Variants in TAFA1 observed in about 807,000 individuals in gnomAD.
TAFA1 encodes chemokine-like protein TAFA-1.
A neutral mutation model predicts 18.5 loss-of-function variants in TAFA1; 4 were observed. The observed-to-expected ratio is 0.22, with a 90% confidence interval of 0.11 to 0.49. The LOEUF is 0.49. TAFA1 is among the 20% of genes least tolerant of loss of function. The pLI is 0.98. For synonymous variants in TAFA1, 56 were observed against 55.2 expected (o/e 1.01, Z -0.06); for missense variants, 147 against 169.0 (o/e 0.87, Z 0.72).
chr3:68,133,755 C>T (rs2065571842), intron 2 of TAFA1, among the ~76,000 whole-genome samples: 1 of 152,066 alleles, frequency 6.6e-6, no homozygotes, highest in Admixed American at 6.6e-5. Context: ...AAGCTGCCCT[C>T]ACTAACAAAA....
At chr3:68,167,804 T>C (rs554843701) in intron 2 of TAFA1, among the ~76,000 whole-genome samples, 139 of 152,160 alleles carry the variant, frequency 9.1e-4, no homozygotes, top group Middle Eastern at 3.4e-3. Context: ...ACTTCCAAGA[T>C]AGGGTGGAGG....
Position 68,444,792 on chromosome 3 carries a change from AT to A in TAFA1, c.259+27373del, listed in dbSNP as rs1380066884. Among the ~76,000 whole-genome samples the A allele has an allele frequency of 4.2e-4, 59 of 141,274 alleles. 1 individual carries two copies. Among genetic ancestry groups the A allele is most frequent in the African/African-American group, 1.6e-3 (59 of 37,700 alleles). The allele number at this position is 141,274 out of a possible 152,430, so 92.7% of individuals were successfully genotyped here. A position where few individuals can be genotyped will look rare whatever the true frequency, so the allele number is the denominator to read the frequency against. ...ACAAAATATATATATATATATATAT[AT>A]ATATATATATATATATATAAAATAA... On this transcript the variant is annotated intron_variant, in intron 3 of 4. Coordinates refer to ENST00000478136, the MANE Select transcript of TAFA1 (RefSeq NM_213609.4).
intron 2 of TAFA1, among the ~76,000 whole-genome samples, chr3:68,226,826 C>G (rs1486272336): frequency 1.3e-5 from 2 of 152,162 alleles, no homozygotes; most frequent in Non-Finnish European, 2.9e-5. Flanking sequence ...AGCTGAGCCC[C>G]CATCCTGATG....
chr3:68,184,436 A>G (rs916586839), intron 2 of TAFA1, among the ~76,000 whole-genome samples: 5 of 152,234 alleles, frequency 3.3e-5, no homozygotes, highest in Admixed American at 2.6e-4. Flanking sequence ...TATTTTCTAC[A>G]TTTATGATGA....
chr3:68,425,979 T>G (rs568407585), intron 3 of TAFA1, among the ~76,000 whole-genome samples: 1 of 152,026 alleles, frequency 6.6e-6, no homozygotes, highest in Admixed American at 6.6e-5. Flanking sequence ...CAATGGAATA[T>G]GTGGTAACAA....
intron 2 of TAFA1, among the ~76,000 whole-genome samples, chr3:68,128,023 G>A (rs919446568): frequency 4.0e-5 from 6 of 150,340 alleles, no homozygotes; most frequent in Non-Finnish European, 7.4e-5. Context: ...TGTTTATTAT[G>A]GTTCGGAAGC....
In TAFA1 at chr3:68,538,841, A is replaced by G. The variant is rs770648723; in HGVS notation, c.345A>G (p.Gly115=). 13 of 1,613,502 alleles carry G rather than the reference A, an allele frequency of 8.1e-6. No individual in the cohort carries two copies. Among genetic ancestry groups the G allele is most frequent in the Non-Finnish European group, 1.0e-5 (12 of 1,179,682 alleles). ...EECKTLPDNS[G]WMCATGNKIK... ...GTAAGACACTCCCTGACAATTCTGG[A>G]TGGATGTGCGCAACAGGCAACAAAA... is the stretch of plus-strand genomic sequence containing the variant. The change falls in exon 4 of 5, where the codon GGA becomes GGG. Residue 115 remains glycine, a synonymous_variant. Transcript: ENST00000478136.
intron 2 of TAFA1, among the ~76,000 whole-genome samples, chr3:68,297,748 T>C (rs542735390): frequency 6.6e-6 from 1 of 151,522 alleles, no homozygotes; most frequent in East Asian, 1.9e-4. Context: ...TTTTTTTTTT[T>C]ACATTTTTGG....
rs777401033 is a variant in TAFA1, at chr3:68,312,095, C to T, written c.119-105185C>T. Among the ~76,000 whole-genome samples the T allele has an allele frequency of 4.0e-4, 61 of 152,334 alleles. 1 individual carries two copies. The highest frequency in any genetic ancestry group is 1.9e-3 in the South Asian group (9 of 4,818). Reference sequence around the variant, plus strand: ...CCATGACCTGAGTTCTACGTTGACCCCTTTCAGCCATGGCTGGAGCAGCTG... The same window carrying T: ...CCATGACCTGAGTTCTACGTTGACCTCTTTCAGCCATGGCTGGAGCAGCTG... On this transcript the variant is annotated intron_variant, in intron 2 of 4. Coordinates refer to ENST00000478136, the MANE Select transcript of TAFA1 (RefSeq NM_213609.4).
At chr3:68,544,364 T>G in intron 4 of TAFA1, 122 bp from the exon 5 acceptor site, 2 of 928,576 alleles carry the variant, frequency 2.2e-6, no homozygotes, top group South Asian at 3.1e-5. Flanking sequence ...TGACTTCAGA[T>G]CACCTGAAAA....
intron 2 of TAFA1, among the ~76,000 whole-genome samples, chr3:68,362,968 C>G (rs2069496680): frequency 8.2e-6 from 1 of 121,786 alleles, no homozygotes; most frequent in Non-Finnish European, 1.7e-5. Flanking sequence ...GATGTAAGCC[C>G]TGTCTTGCAG....
chr3:68,476,619 T>A (rs2072101594), intron 3 of TAFA1, among the ~76,000 whole-genome samples: 1 of 152,222 alleles, frequency 6.6e-6, no homozygotes, highest in Non-Finnish European at 1.5e-5. Flanking sequence ...CATAGATATC[T>A]ATTTCTTATT....
intron 2 of TAFA1, among the ~76,000 whole-genome samples, chr3:68,127,751 CGGTGGTG>C (rs1559530699): frequency 1.1e-5 from 1 of 92,098 alleles, no homozygotes; most frequent in Non-Finnish European, 2.2e-5. Flanking sequence ...ATGATGGTAG[CGGTGGTG>C]ATGCTGATGG....
intron 2 of TAFA1, among the ~76,000 whole-genome samples, chr3:68,189,119 G>T (rs1428486912): frequency 6.6e-6 from 1 of 151,920 alleles, no homozygotes; most frequent in Non-Finnish European, 1.5e-5. Context: ...GTTCTGTGAA[G>T]GTGAGGACTA....
intron 2 of TAFA1, among the ~76,000 whole-genome samples, chr3:68,043,686 C>T (rs959998198): frequency 9.9e-5 from 15 of 152,190 alleles, no homozygotes; most frequent in South Asian, 4.1e-4. Context: ...TTTTTCTCTC[C>T]TAGATTTCTT....
At chr3:68,219,951 C>A (rs2066709590) in intron 2 of TAFA1, among the ~76,000 whole-genome samples, 1 of 152,020 alleles carries the variant, frequency 6.6e-6, no homozygotes, top group South Asian at 2.1e-4. Context: ...CCATATTAGG[C>A]CAATAAAAAC....
At chr3:68,191,669 T>G (rs1170358558) in intron 2 of TAFA1, among the ~76,000 whole-genome samples, 1 of 151,696 alleles carries the variant, frequency 6.6e-6, no homozygotes. Context: ...GAGAGTAGAA[T>G]CAAAGAAAGG....
At chr3:68,292,078 T>A (rs988778814) in intron 2 of TAFA1, among the ~76,000 whole-genome samples, 3 of 152,152 alleles carry the variant, frequency 2.0e-5, no homozygotes, top group Admixed American at 6.6e-5. Flanking sequence ...TCTCCCCTCC[T>A]AGCCAAAAAT....
In TAFA1 at chr3:68,029,153, C is replaced by A. The variant is rs1575581734; in HGVS notation, c.118+22409C>A. ...AGATTCTCTATCACATTTTTTTTAA[C>A]CACATAAGGTAATATTCACTTGTTT... On this transcript the variant is annotated intron_variant, in intron 2 of 4. Transcript: ENST00000478136. 3.3e-5 allele frequency among the ~76,000 whole-genome samples: 5 copies of A among 152,082 alleles called. No homozygotes were observed. The Middle Eastern group carries it at 0.01, about 310-fold the overall frequency.
Sources: gnomAD v4.1 joint callset for allele counts (sites outside exome capture counted in the v4.1 genomes callset) on GRCh38, gnomAD v4.1.1 for gene constraint, MANE v1.5 for transcripts, NCBI Gene and HGNC (gene_info 2026-07-23, HGNC 2026-07-21) for gene names.